Variants in LRRIQ1 observed in about 807,000 individuals in gnomAD.
LRRIQ1 encodes leucine rich repeats and IQ motif containing 1.
A neutral mutation model predicts 211.9 loss-of-function variants in LRRIQ1; 210 were observed. The observed-to-expected ratio is 0.99, with a 90% CI of 0.89 to 1.11. The LOEUF (loss-of-function observed/expected upper bound fraction) is 1.11, where lower values mean the gene tolerates loss of function less well. LRRIQ1 is among the 50% of genes most tolerant of loss of function. LRRIQ1 has a pLI of 0.00. For synonymous variants in LRRIQ1, 699 were observed against 650.1 expected (o/e 1.08, Z -1.14); for missense variants, 2,136 against 1,939.5 (o/e 1.10, Z -1.90).
At chr12:85,046,827 A>G (rs907852168) in intron 5 of LRRIQ1, among the ~76,000 whole-genome samples, 2 of 152,208 alleles carry the variant, frequency 1.3e-5, no homozygotes, top group African/African-American at 4.8e-5. Flanking sequence ...CAGCCATAAA[A>G]AAGGATGAGT....
chr12:85,199,656 A>G (rs1441443277), intron 24 of LRRIQ1, among the ~76,000 whole-genome samples: 1 of 152,146 alleles, frequency 6.6e-6, no homozygotes, highest in Admixed American at 6.6e-5. Context: ...ACTTATAATC[A>G]TGGTAGAAGG....
rs1381980429 is a variant in LRRIQ1, at chr12:85,131,171, C to T, written c.4209+3138C>T. Reference sequence around the variant, plus strand: ...GAGGTTGCAGTGAGCCGAGATCACACCACTGCACTCCAGCCTGGGCAACAG... The same window carrying T: ...GAGGTTGCAGTGAGCCGAGATCACATCACTGCACTCCAGCCTGGGCAACAG... On this transcript the variant is annotated intron_variant, in intron 18 of 26. Coordinates refer to ENST00000393217, the MANE Select transcript of LRRIQ1 (RefSeq NM_001079910.2). 4.6e-5 allele frequency among the ~76,000 whole-genome samples: 7 copies of T among 151,786 alleles called. No homozygotes were observed. In the South Asian group the frequency reaches 1.3e-3, roughly 27 times the overall value.
At position 85,055,649 on chromosome 12, in the gene LRRIQ1, G is replaced by A; in HGVS notation, c.856G>A (p.Ala286Thr). ...KNSLLKQQNN[A>T]AVKIQAKYKA... ...TTCTTTGTTAAAACAGCAGAATAAT[G>A]CAGCTGTTAAAATTCAAGCTAAATA... The change falls in exon 8 of 27, where the codon GCA becomes ACA. Residue 286 changes from alanine to threonine, a missense_variant. Ala to Thr is a moderately conservative substitution (Grantham distance 58). Transcript: ENST00000393217. 1.2e-6 allele frequency: 2 copies of A among 1,601,268 alleles called. No homozygotes were observed. Among genetic ancestry groups the A allele is most frequent in the East Asian group, 2.2e-5 (1 of 44,556 alleles).
At chr12:85,250,400 C>T (rs1295614670) in intron 1 of LRRIQ1, among the ~76,000 whole-genome samples, 2 of 151,608 alleles carry the variant, frequency 1.3e-5, no homozygotes, top group African/African-American at 4.8e-5. Flanking sequence ...TGCAGATTTC[C>T]ACAGACCTAG....
chr12:85,137,092 A>G (rs1476463100), intron 18 of LRRIQ1, among the ~76,000 whole-genome samples: 3 of 151,358 alleles, frequency 2.0e-5, no homozygotes, highest in Admixed American at 6.6e-5. Context: ...TTTAAAATTT[A>G]TATATATACA....
chr12:85,197,016 A>G (rs1284832513), intron 24 of LRRIQ1, among the ~76,000 whole-genome samples: 1 of 151,000 alleles, frequency 6.6e-6, no homozygotes, highest in Admixed American at 6.6e-5. Context: ...AAGTGGGCGA[A>G]GGACATGAAC....
intron 24 of LRRIQ1, 56 bp downstream of exon 24, chr12:85,160,770 A>G: frequency 1.1e-6 from 1 of 921,246 alleles, no homozygotes; most frequent in South Asian, 2.4e-5. Flanking sequence ...AGATTAAAAG[A>G]ATTATATTTA....
chr12:85,073,194 ATTTT>A, intron 11 of LRRIQ1, 96 bp downstream of exon 11: 1 of 738,606 alleles, frequency 1.4e-6, no homozygotes, highest in Non-Finnish European at 2.1e-6. Flanking sequence ...CATCTCCTTT[ATTTT>A]TTTAAATATA....
chr12:85,141,134 A>G (rs889021132), intron 19 of LRRIQ1, among the ~76,000 whole-genome samples: 13 of 151,324 alleles, frequency 8.6e-5, no homozygotes, highest in African/African-American at 2.2e-4. Context: ...GGAGTTTGAT[A>G]TAAGATTGAT....
intron 23 of LRRIQ1, among the ~76,000 whole-genome samples, chr12:85,157,843 G>A (rs1890639359): frequency 1.3e-5 from 2 of 151,722 alleles, no homozygotes; most frequent in South Asian, 4.2e-4. Flanking sequence ...GACCTAACAT[G>A]GATTTTTTGC....
intron 24 of LRRIQ1, among the ~76,000 whole-genome samples, chr12:85,162,025 C>T (rs563935989): frequency 2.7e-5 from 4 of 150,472 alleles, no homozygotes; most frequent in Non-Finnish European, 3.0e-5. Context: ...GGCGACAGAG[C>T]GAGACTCCAC....
intron 24 of LRRIQ1, among the ~76,000 whole-genome samples, chr12:85,210,233 A>G (rs549655878): frequency 2.0e-4 from 31 of 152,314 alleles, no homozygotes; most frequent in East Asian, 3.9e-4. Context: ...ACAGTATTCT[A>G]TAACTCCATA....
At chr12:85,099,673 A>T (rs1045502655) in intron 13 of LRRIQ1, among the ~76,000 whole-genome samples, 3 of 151,840 alleles carry the variant, frequency 2.0e-5, no homozygotes, top group African/African-American at 7.2e-5. Context: ...AGGCACAAGG[A>T]GTAGGGGAAA....
At chr12:85,184,652 C>A (rs1397622978) in intron 24 of LRRIQ1, among the ~76,000 whole-genome samples, 1 of 151,836 alleles carries the variant, frequency 6.6e-6, no homozygotes, top group Non-Finnish European at 1.5e-5. Flanking sequence ...GGAAGGAAGA[C>A]CCTTACAAGT....
rs774856396 is a variant in LRRIQ1, at chr12:85,179,410, T to TAG, written c.4822+18697_4822+18698dup. On this transcript the variant is annotated intron_variant, in intron 24 of 26. Coordinates refer to ENST00000393217, the MANE Select transcript of LRRIQ1 (RefSeq NM_001079910.2). ...GACATTGCAGTAAAGAAGTAGATGA[T>TAG]AGCATTTGCAAGATTGAGAGATGTG... 2.6e-5 allele frequency among the ~76,000 whole-genome samples: 4 copies of TAG among 152,110 alleles called. No homozygotes were observed. The South Asian group carries it at 8.3e-4, about 32-fold the overall frequency.
At chr12:85,066,179 CA>C (rs1012637613) in intron 9 of LRRIQ1, among the ~76,000 whole-genome samples, 3 of 151,824 alleles carry the variant, frequency 2.0e-5, no homozygotes, top group Non-Finnish European at 2.9e-5. Context: ...TTCCCACATG[CA>C]AAATACATTC....
At chr12:85,044,545 G>T (rs1879294358) in intron 3 of LRRIQ1, among the ~76,000 whole-genome samples, 173 bp from the exon 4 acceptor site, 1 of 151,820 alleles carries the variant, frequency 6.6e-6, no homozygotes, top group Admixed American at 6.6e-5. Flanking sequence ...AAATATATCA[G>T]ATTTCCTCTA....
intron 26 of LRRIQ1, among the ~76,000 whole-genome samples, chr12:85,237,306 A>G (rs1468415445): frequency 6.6e-6 from 1 of 152,116 alleles, no homozygotes; most frequent in Non-Finnish European, 1.5e-5. Flanking sequence ...CAGCTTGGAA[A>G]CACTTTCTGG....
intron 26 of LRRIQ1, among the ~76,000 whole-genome samples, chr12:85,240,832 C>T (rs191938587): frequency 2.0e-5 from 3 of 151,846 alleles, no homozygotes. Flanking sequence ...ATAGAGAAAA[C>T]GTGATTAGTT....
Sources: allele counts gnomAD v4.1 joint callset (sites outside exome capture counted in the v4.1 genomes callset), GRCh38; gene constraint gnomAD v4.1.1; transcripts MANE v1.5; gene names NCBI Gene and HGNC (gene_info 2026-07-23, HGNC 2026-07-21).